MEN1: variants seen among roughly 807,000 people sequenced by gnomAD.
The protein encoded by MEN1 is menin.
In MEN1, 6 loss-of-function variants were observed where a neutral mutation model predicts 58.0. The observed-to-expected ratio is 0.10, with a 90% confidence interval of 0.06 to 0.20. The LOEUF (loss-of-function observed/expected upper bound fraction) is 0.20, where lower values mean the gene tolerates loss of function less well. Ranked by LOEUF, MEN1 falls within the 10% of genes least tolerant of loss-of-function variation. The pLI is 1.00. For missense variants in MEN1, 492 were observed against 818.5 expected, an observed-to-expected ratio of 0.60 and a Z score of 4.87; for synonymous variants, 346 against 350.7, an observed-to-expected ratio of 0.99 and a Z score of 0.15.
At position 64,807,436 on chromosome 11, in the gene MEN1, C is replaced by T; in HGVS notation, c.783+116G>A. The stretch of plus-strand genomic sequence containing the variant: ...GAAAGGCCAGGCCAGGAATTACTAA[C>T]CCATTTTTCCAGGAGGGGAAGCTGA... On this transcript the variant is annotated intron_variant, in intron 4 of 9. Coordinates refer to ENST00000450708, the MANE Select transcript of MEN1 (RefSeq NM_001370259.2). This position sits in a 1 kb window ranked among gnomAD's most constrained non-coding sequence, Gnocchi z 4.9. 8.4e-7 allele frequency: 1 copy of T among 1,196,900 alleles called. No homozygotes were observed. Among genetic ancestry groups the T allele is most frequent in the East Asian group, 2.5e-5 (1 of 40,256 alleles). The allele number at this position is 1,196,900 out of a possible 1,614,324, so 74.1% of individuals were successfully genotyped here.
Position 64,807,517 on chromosome 11 carries a change from C to T in MEN1, c.783+35G>A, listed in dbSNP as rs754922651. 2 of 1,613,048 alleles carry T rather than the reference C, an allele frequency of 1.2e-6. No individual in the cohort carries two copies. The highest frequency in any genetic ancestry group is 1.1e-5 in the South Asian group (1 of 91,018). On this transcript the variant is annotated intron_variant, in intron 4 of 9. Coordinates refer to ENST00000450708, the MANE Select transcript of MEN1 (RefSeq NM_001370259.2). This position sits in a 1 kb window ranked among gnomAD's most constrained non-coding sequence, Gnocchi z 4.9. ...GGTCCCACAGCAAGTCAAGTCTGGC[C>T]TAGCCCAGTCCTGCCCCATTGGCTC...
rs1033303123 is a variant in MEN1, at chr11:64,804,745, TTCCTCGCCCCACGGC to T, written c.1407_1421del (p.Pro470_Glu474del). On this transcript the variant is annotated inframe_deletion, in exon 10 of 10. Coordinates refer to ENST00000450708, the MANE Select transcript of MEN1 (RefSeq NM_001370259.2). The surrounding 1 kb of genome is among the most constrained non-coding windows in gnomAD (Gnocchi z 4.2). ...GGCCCCGCCGCCGGCCTTCCCGGGC[TTCCTCGCCCCACGGC>T]TCCTCGGCCTCGGCCGCCTCGGCCT... is the stretch of plus-strand genomic sequence containing the variant. 2 of 1,597,194 alleles carry T rather than the reference TTCCTCGCCCCACGGC, an allele frequency of 1.3e-6. No homozygotes were observed. Among genetic ancestry groups the T allele is most frequent in the Non-Finnish European group, 1.7e-6 (2 of 1,178,774 alleles).
rs1189140054 is a variant in MEN1, at chr11:64,809,757, A to G, written c.353T>C (p.Val118Ala). The G allele has an allele frequency of 6.2e-7, 1 of 1,614,098 alleles. No homozygotes were observed. Among genetic ancestry groups the G allele is most frequent in the Non-Finnish European group, 8.5e-7 (1 of 1,180,020 alleles). ...REGGVSSREL[V>A]KKVSDVIWNS... ...CCATATGACATCGGAGACCTTCTTC[A>G]CCAGCTCACGGCTGGAGACACCCCC... Residue 118 changes from valine to alanine, a missense_variant, in exon 2 of 10, where the codon GTG becomes GCG. Coordinates refer to ENST00000450708, the MANE Select transcript of MEN1 (RefSeq NM_001370259.2).
rs770778266 is a variant in MEN1, at chr11:64,804,999, T to C, written c.1350+35A>G. 1.4e-5 allele frequency: 22 copies of C among 1,611,092 alleles called. No individual in the cohort carries two copies. Among genetic ancestry groups the C allele is most frequent in the Non-Finnish European group, 1.9e-5 (22 of 1,179,952 alleles). ...CAAGCCCGTGGCTGCTGTCACCACC[T>C]GTAGTGCCCAGACCTCTGTGCAGCT... On this transcript the variant is annotated intron_variant, in intron 9 of 9. Coordinates refer to ENST00000450708, the MANE Select transcript of MEN1 (RefSeq NM_001370259.2). This position sits in a 1 kb window ranked among gnomAD's most constrained non-coding sequence, Gnocchi z 4.2.
Position 64,806,283 on chromosome 11 carries a change from T to A in MEN1, c.998A>T (p.Asn333Ile). 6.2e-7 allele frequency: 1 copy of A among 1,614,178 alleles called. No individual in the cohort carries two copies. The highest frequency in any genetic ancestry group is 8.5e-7 in the Non-Finnish European group (1 of 1,180,004). ...CCAGGCCTGCAGGGCTTCCCGCACATTGCGGTTGCGACAGTGGTAGCCAGC... is the reference window on the plus strand; with the variant it reads ...CCAGGCCTGCAGGGCTTCCCGCACAATGCGGTTGCGACAGTGGTAGCCAGC... ...YLAGYHCRNR[N>I]VREALQAWAD... The change falls in exon 7 of 10, where the codon AAT (asparagine) becomes ATT (isoleucine). Residue 333 changes from asparagine to isoleucine, a missense_variant. Coordinates refer to ENST00000450708, the MANE Select transcript of MEN1 (RefSeq NM_001370259.2).
rs776561706 is a variant in MEN1 at position 64,806,257 on chromosome 11, C to T, written c.1024G>A (p.Ala342Thr). The part of the protein sequence containing the change: ...RNVREALQAW[A>T]DTATVIQDYN... ...TCCTGGATGACAGTGGCCGTGTCCG[C>T]CCAGGCCTGCAGGGCTTCCCGCACA... Residue 342 changes from alanine to threonine, a missense_variant, in exon 7 of 10, where the codon GCG becomes ACG. By Grantham distance (58) the Ala-to-Thr change is moderately conservative. Around this residue, in one of 5 missense-constraint regions of MEN1, gnomAD observed 335 missense variants for 550.3 expected, o/e 0.61. Transcript: ENST00000450708. The T allele has an allele frequency of 6.2e-7, 1 of 1,614,210 alleles. No homozygotes were observed. Among genetic ancestry groups the T allele is most frequent in the Non-Finnish European group, 8.5e-7 (1 of 1,180,014 alleles).
chr11:64,806,902 G>T, intron 6 of MEN1, 109 bp downstream of exon 6: 1 of 952,268 alleles, frequency 1.1e-6, no homozygotes, highest in Non-Finnish European at 1.6e-6. Context: ...GAGACTGGAT[G>T]GGCGATACCC....
chr11:64,806,090 G>A (rs1592642388), intron 7 of MEN1, 142 bp downstream of exon 7: 2 of 1,081,150 alleles, frequency 1.8e-6, no homozygotes, highest in East Asian at 5.0e-5. Flanking sequence ...TACCTCCTGG[G>A]TAATGGTGGC....
chr11:64,805,524 G>A lies in MEN1; in HGVS notation c.1185+111C>T. ...AAGGGAACATAGCTGTCTGCTCAGG[G>A]CCACCTTCCTCCTGCCATCCCTAAT... On this transcript the variant is annotated intron_variant, in intron 8 of 9. Coordinates refer to ENST00000450708, the MANE Select transcript of MEN1 (RefSeq NM_001370259.2). The A allele has an allele frequency of 2.9e-6, 4 of 1,387,694 alleles. No homozygotes were observed. The South Asian group carries it at 4.9e-5, about 17-fold the overall frequency. The allele number at this position is 1,387,694 out of a possible 1,614,324, so 86.0% of individuals were successfully genotyped here.
At chr11:64,806,055 G>A in intron 7 of MEN1, 177 bp downstream of exon 7, 1 of 761,336 alleles carries the variant, frequency 1.3e-6, no homozygotes. Context: ...GGGAGGGAAA[G>A]ATGTGACACC....
chr11:64,806,076 T>G, intron 7 of MEN1, 156 bp downstream of exon 7: 1 of 932,002 alleles, frequency 1.1e-6, no homozygotes. Flanking sequence ...TTAATCAGGG[T>G]CCCTACCTCC....
intron 7 of MEN1, 22 bp from the exon 8 acceptor site, chr11:64,805,792 T>C: frequency 1.2e-6 from 2 of 1,613,830 alleles, no homozygotes; most frequent in Non-Finnish European, 1.7e-6. Context: ...GTGGGGTCTC[T>C]GTAGGGTCTG....
rs577302942 is a variant in MEN1 at position 64,804,064 on chromosome 11, G to A, written c.*270C>T. On this transcript the variant is annotated 3_prime_UTR_variant, in exon 10 of 10. Coordinates refer to ENST00000450708, the MANE Select transcript of MEN1 (RefSeq NM_001370259.2). The surrounding 1 kb of genome is among the most constrained non-coding windows in gnomAD (Gnocchi z 4.2). ...GGTTTCTAGGGGCTGGGCCTTTAAA[G>A]ACTGGTAATTAGGACCCAGCGTGAG... 5.8e-6 allele frequency: 3 copies of A among 516,570 alleles called. No individual in the cohort carries two copies. Among genetic ancestry groups the A allele is most frequent in the Non-Finnish European group, 7.0e-6 (2 of 285,146 alleles). 32.0% of individuals were successfully genotyped at this position (516,570 alleles called of 1,614,324 possible).
intron 8 of MEN1, among the ~76,000 whole-genome samples, 187 bp downstream of exon 8, chr11:64,805,447 TA>T (rs1941650903): frequency 6.6e-6 from 1 of 152,140 alleles, no homozygotes. Context: ...TAGAAACCTC[TA>T]AAATACCTTC....
rs2136131227 is a variant in MEN1, at chr11:64,807,133, C to T, written c.825-35G>A. ...GATCATAATTCAGGCTGCCACCCAG[C>T]CCCCCGGCCTCACCAGGCGCAGCCT... On this transcript the variant is annotated intron_variant, in intron 5 of 9. Transcript: ENST00000450708. The surrounding 1 kb of genome is among the most constrained non-coding windows in gnomAD (Gnocchi z 4.9). 1 of 1,613,670 alleles carries T rather than the reference C, an allele frequency of 6.2e-7. No individual in the cohort carries two copies. Among genetic ancestry groups the T allele is most frequent in the Non-Finnish European group, 8.5e-7 (1 of 1,179,674 alleles).
rs763160290 is a variant in MEN1, at chr11:64,804,621, G to C, written c.1546C>G (p.Arg516Gly). ...TGQGAVSGPP[R>G]KPPGTVAGTA... ...CCAGCGACAGTCCCAGGAGGCTTCC[G>C]GGGGGGTCCTGACACTGCACCCTGG... The change falls in exon 10 of 10, where the codon CGG (arginine) becomes GGG (glycine). Residue 516 changes from arginine (R) to glycine (G), a missense_variant. Physicochemically the swap from Arg to Gly is moderately radical, Grantham distance 125. Around this residue, in one of 5 missense-constraint regions of MEN1, gnomAD observed 79 missense variants for 82.5 expected, o/e 0.96. Transcript: ENST00000450708. The surrounding 1 kb of genome is among the most constrained non-coding windows in gnomAD (Gnocchi z 4.2). 9.3e-6 allele frequency: 15 copies of C among 1,606,356 alleles called. No homozygotes were observed. Among genetic ancestry groups the C allele is most frequent in the African/African-American group, 4.0e-5 (3 of 74,822 alleles).
Position 64,804,653 on chromosome 11 carries a change from C to G in MEN1, c.1514G>C (p.Gly505Ala). Residue 505 changes from glycine (G) to alanine (A), a missense_variant, in exon 10 of 10, where the codon GGC (glycine) becomes GCC (alanine). Transcript: ENST00000450708. The surrounding 1 kb of genome is among the most constrained non-coding windows in gnomAD (Gnocchi z 4.2). ...PKKPALDKGLGTGQGAVSGPP... is the reference protein window; with the variant it reads ...PKKPALDKGLATGQGAVSGPP... ...TCCTGACACTGCACCCTGGCCGGTG[C>G]CCAGGCCCTTGTCCAGTGCTGGCTT... is the stretch of plus-strand genomic sequence containing the variant. The G allele has an allele frequency of 6.2e-7, 1 of 1,600,254 alleles. No individual in the cohort carries two copies. The highest frequency in any genetic ancestry group is 8.5e-7 in the Non-Finnish European group (1 of 1,176,144).
intron 6 of MEN1, 86 bp from the exon 7 acceptor site, chr11:64,806,454 AG>A: frequency 6.6e-7 from 1 of 1,504,344 alleles, no homozygotes; most frequent in Non-Finnish European, 9.2e-7. Context: ...CACACCCAGA[AG>A]GGGCCACAGG....
chr11:64,807,283 C>T lies in MEN1; in HGVS notation c.784-64G>A, dbSNP rs907803003. The T allele has an allele frequency of 1.7e-5, 27 of 1,562,856 alleles. No individual in the cohort carries two copies. The highest frequency in any genetic ancestry group is 1.7e-4 in the Middle Eastern group (1 of 5,882). On this transcript the variant is annotated intron_variant, in intron 4 of 9. Coordinates refer to ENST00000450708, the MANE Select transcript of MEN1 (RefSeq NM_001370259.2). The surrounding 1 kb of genome is among the most constrained non-coding windows in gnomAD (Gnocchi z 4.9). ...GGAGGAGAACGGGTCCTTAGCCTAT[C>T]GGGCAGAGGTGGGGGTCAGAACCAA...
Sources: gnomAD v4.1 joint callset for allele counts (sites outside exome capture counted in the v4.1 genomes callset) on GRCh38, gnomAD v4.1.1 for gene constraint, gnomAD v4.1.1 regional missense constraint, Gnocchi (gnomAD v3.1) non-coding constraint, MANE v1.5 for transcripts, NCBI Gene and HGNC (gene_info 2026-07-23, HGNC 2026-07-21) for gene names.